PVT1: variants seen among roughly 807,000 people sequenced by gnomAD.
The protein encoded by PVT1 is CXCR4/PVT1 fusion.
chr8:127,868,990 G>A (rs923766839), intron 2 of PVT1, among the ~76,000 whole-genome samples: 6 of 151,268 alleles, frequency 4.0e-5, no homozygotes, highest in South Asian at 2.1e-4. Context: ...AGCTGTAGAT[G>A]GCAGAGATAA....
intron 3 of PVT1, chr8:127,946,453 G>T (rs930596041): frequency 6.6e-6 from 1 of 152,182 alleles, no homozygotes; most frequent in African/African-American, 2.4e-5. Flanking sequence ...GGAAATGGTG[G>T]TCATCTCCAT....
intron 2 of PVT1, among the ~76,000 whole-genome samples, chr8:127,818,644 G>A (rs1414784608): frequency 6.6e-6 from 1 of 152,280 alleles, no homozygotes; most frequent in East Asian, 1.9e-4. Context: ...GGATAAGGGT[G>A]CACTCTGCAG....
At chr8:127,800,092 C>T (rs1346497776) in intron 2 of PVT1, among the ~76,000 whole-genome samples, 2 of 152,224 alleles carry the variant, frequency 1.3e-5, no homozygotes, top group Non-Finnish European at 2.9e-5. Context: ...TCACTTCTCC[C>T]TCCCTGGGAT....
intron 3 of PVT1, among the ~76,000 whole-genome samples, chr8:127,911,037 C>T (rs1329528899): frequency 1.3e-5 from 2 of 152,010 alleles, no homozygotes; most frequent in Non-Finnish European, 2.9e-5. Flanking sequence ...AAGGATGGGG[C>T]TATGGGCTTT....
intron 4 of PVT1, among the ~76,000 whole-genome samples, chr8:128,068,205 G>C (rs1235018019): frequency 6.6e-6 from 1 of 151,616 alleles, no homozygotes; most frequent in African/African-American, 2.4e-5. Context: ...TGTTGTTCCT[G>C]TTTTTCCTTC....
intron 2 of PVT1, among the ~76,000 whole-genome samples, chr8:127,822,437 C>T (rs1271872939): frequency 6.6e-6 from 1 of 152,060 alleles, no homozygotes; most frequent in Non-Finnish European, 1.5e-5. Flanking sequence ...ATTAGCCAGA[C>T]GTAGTGGCGA....
At chr8:128,088,849 G>A (rs534902506) in intron 5 of PVT1, among the ~76,000 whole-genome samples, 1 of 152,360 alleles carries the variant, frequency 6.6e-6, no homozygotes, top group South Asian at 2.1e-4. Flanking sequence ...TAGTTGTGTA[G>A]ACCAGCGGTT....
chr8:127,796,081 T>A (rs57205041), intron 2 of PVT1: 107 of 170,398 alleles, frequency 6.3e-4, no homozygotes, highest in African/African-American at 2.3e-3. Context: ...GGTATGACTG[T>A]GGGGTATATG....
intron 2 of PVT1, among the ~76,000 whole-genome samples, chr8:127,869,855 G>A (rs994106869): frequency 6.6e-6 from 1 of 152,178 alleles, no homozygotes; most frequent in African/African-American, 2.4e-5. Flanking sequence ...TCAGGAAGGA[G>A]TGCAGTGGCG....
At chr8:127,908,846 C>T (rs764684226) in intron 3 of PVT1, among the ~76,000 whole-genome samples, 1 of 152,130 alleles carries the variant, frequency 6.6e-6, no homozygotes, top group Non-Finnish European at 1.5e-5. Flanking sequence ...GGTGAGGCAG[C>T]CATCATCACC....
chr8:127,797,258 C>G (rs1322604787), intron 2 of PVT1, among the ~76,000 whole-genome samples: 1 of 152,224 alleles, frequency 6.6e-6, no homozygotes, highest in Non-Finnish European at 1.5e-5. Flanking sequence ...TCTCGAACAT[C>G]TGACCTCAGG....
chr8:128,043,620 A>G (rs923106015), intron 4 of PVT1, among the ~76,000 whole-genome samples: 1 of 152,124 alleles, frequency 6.6e-6, no homozygotes, highest in African/African-American at 2.4e-5. Context: ...TGTGGACTCC[A>G]TGGCATTCAG....
At chr8:127,939,319 C>T (rs540695845) in intron 3 of PVT1, among the ~76,000 whole-genome samples, 23 of 152,260 alleles carry the variant, frequency 1.5e-4, no homozygotes, top group African/African-American at 5.1e-4. Context: ...TGGGGGCCTA[C>T]GACCGCAGAT....
At chr8:127,991,514 G>T (rs1341884330) in intron 4 of PVT1, among the ~76,000 whole-genome samples, 1 of 152,078 alleles carries the variant, frequency 6.6e-6, no homozygotes, top group Non-Finnish European at 1.5e-5. Flanking sequence ...CTTTCCAGCT[G>T]ATCCCCATGC....
At chr8:128,094,808 A>C (rs1246083643) in intron 5 of PVT1, among the ~76,000 whole-genome samples, 1 of 152,202 alleles carries the variant, frequency 6.6e-6, no homozygotes, top group African/African-American at 2.4e-5. Context: ...TACCATGCCC[A>C]TACCAGGCCT....
At chr8:127,808,752 A>G (rs1245303486) in intron 2 of PVT1, among the ~76,000 whole-genome samples, 1 of 152,002 alleles carries the variant, frequency 6.6e-6, no homozygotes, top group Non-Finnish European at 1.5e-5. Flanking sequence ...TCTTGGGACC[A>G]GGCGTGGTGG....
rs114577357 is a variant in PVT1 at position 127,848,814 on chromosome 8, G to T, written n.373-41775G>T. ...TGTGGGAACAGTTGTGCTCAGGGTGGTACTGGTACAGCCTGGCAGAGGACA... is the reference window on the plus strand; with the variant it reads ...TGTGGGAACAGTTGTGCTCAGGGTGTTACTGGTACAGCCTGGCAGAGGACA... On this transcript the variant is annotated intron_variant and non_coding_transcript_variant, in intron 2 of 10. Coordinates refer to ENST00000651587, the Ensembl canonical transcript of PVT1. 7.8e-3 allele frequency among the ~76,000 whole-genome samples: 1,182 copies of T among 152,328 alleles called. 14 individuals carry two copies. The highest frequency in any genetic ancestry group is 0.027 in the African/African-American group (1,120 of 41,578).
chr8:127,806,353 T>A (rs1312652524), intron 2 of PVT1, among the ~76,000 whole-genome samples: 1 of 151,888 alleles, frequency 6.6e-6, no homozygotes, highest in Non-Finnish European at 1.5e-5. Flanking sequence ...CCCAGCTACT[T>A]GGGAGGCTGA....
intron 3 of PVT1, among the ~76,000 whole-genome samples, chr8:127,964,629 G>T (rs1816683936): frequency 6.6e-6 from 1 of 152,136 alleles, no homozygotes. Flanking sequence ...CCTCTGAGGT[G>T]CTAAGGGACA....
Sources: allele counts gnomAD v4.1 joint callset (sites outside exome capture counted in the v4.1 genomes callset), GRCh38; gene constraint gnomAD v4.1.1; transcripts MANE v1.5; gene names NCBI Gene and HGNC (gene_info 2026-07-23, HGNC 2026-07-21).